RNF19A: variants seen among roughly 807,000 people sequenced by gnomAD.
RNF19A encodes ring finger protein 19A, RBR E3 ubiquitin protein ligase.
RNF19A carries 32 observed loss-of-function variants against 75.7 expected under a neutral mutation model. The ratio of observed to expected loss-of-function variants is 0.42; its 90% CI spans 0.32 to 0.57. The LOEUF is 0.57. Among genes scored for constraint, RNF19A ranks in the 20% least tolerant of loss-of-function variants. The probability of loss-of-function intolerance (pLI) is 0.10; values close to 1 mark genes in which losing one functional copy is unlikely to be tolerated. For synonymous variants in RNF19A, 335 were observed against 345.2 expected (o/e 0.97, Z 0.33); for missense variants, 782 against 1,036.3 (o/e 0.75, Z 3.37).
chr8:100,320,265 C>A (rs1822446502), intron 1 of RNF19A, among the ~76,000 whole-genome samples: 1 of 152,140 alleles, frequency 6.6e-6, no homozygotes, highest in Admixed American at 6.5e-5. Flanking sequence ...CTGAATGTAT[C>A]ATTTTATAGC....
intron 1 of RNF19A, among the ~76,000 whole-genome samples, chr8:100,335,201 C>G (rs1368222504): frequency 1.3e-5 from 2 of 152,096 alleles, no homozygotes; most frequent in Non-Finnish European, 2.9e-5. Flanking sequence ...AACAACAAAA[C>G]AACAACAACA....
At position 100,284,552 on chromosome 8, in the gene RNF19A, T is replaced by C. The variant is rs1039495401; in HGVS notation, c.674+2949A>G. ...CACGGACAATTATTTGTTAAATTTA[T>C]ATAATAATCACGTGGTTGTTTTCAT... On this transcript the variant is annotated intron_variant, in intron 2 of 9. Coordinates refer to ENST00000341084, the MANE Select transcript of RNF19A (RefSeq NM_183419.4). The surrounding 1 kb of genome is among the most constrained non-coding windows in gnomAD (Gnocchi z 4.3). 3.3e-5 allele frequency among the ~76,000 whole-genome samples: 5 copies of C among 152,184 alleles called. No individual in the cohort carries two copies. Among genetic ancestry groups the C allele is most frequent in the African/African-American group, 9.6e-5 (4 of 41,464 alleles).
In RNF19A at chr8:100,258,544, G is replaced by T; in HGVS notation, c.*12C>A. ...GTTGTACAGTGGTAATTATTCTGCA[G>T]CATTTATGGGCCTAAATTTCAGTCT... On this transcript the variant is annotated 3_prime_UTR_variant, in exon 10 of 10. Coordinates refer to ENST00000341084, the MANE Select transcript of RNF19A (RefSeq NM_183419.4). This position sits in a 1 kb window ranked among gnomAD's most constrained non-coding sequence, Gnocchi z 4.3. 1 of 1,588,182 alleles carries T rather than the reference G, an allele frequency of 6.3e-7. No individual in the cohort carries two copies. Among genetic ancestry groups the T allele is most frequent in the Non-Finnish European group, 8.6e-7 (1 of 1,164,388 alleles).
intron 1 of RNF19A, among the ~76,000 whole-genome samples, chr8:100,302,823 G>A (rs925897600): frequency 1.3e-5 from 2 of 152,138 alleles, no homozygotes; most frequent in Non-Finnish European, 2.9e-5. Flanking sequence ...CCTCCCCCAT[G>A]TCAACTACAT....
chr8:100,297,067 G>A (rs1262762862), intron 1 of RNF19A, among the ~76,000 whole-genome samples: 2 of 152,102 alleles, frequency 1.3e-5, no homozygotes, highest in South Asian at 4.1e-4. Flanking sequence ...ATATTATAAT[G>A]CTATTGTGTC....
chr8:100,306,356 A>C (rs960850863), intron 1 of RNF19A, among the ~76,000 whole-genome samples: 1 of 152,154 alleles, frequency 6.6e-6, no homozygotes, highest in Non-Finnish European at 1.5e-5. Flanking sequence ...ATGTAACAAA[A>C]CCTTTCCTAA....
intron 2 of RNF19A, among the ~76,000 whole-genome samples, chr8:100,286,985 T>C (rs1157101396): frequency 6.6e-6 from 1 of 152,152 alleles, no homozygotes; most frequent in Non-Finnish European, 1.5e-5. Context: ...ACATAACCCC[T>C]AGAACTTGAG....
At chr8:100,328,112 C>T (rs1822562104) in intron 1 of RNF19A, among the ~76,000 whole-genome samples, 1 of 152,072 alleles carries the variant, frequency 6.6e-6, no homozygotes, top group South Asian at 2.1e-4. Flanking sequence ...TATCTACATC[C>T]CCCCACTCTC....
At chr8:100,310,252 T>C, upstream of RNF19A, 1 of 984,852 alleles carries the variant, frequency 1.0e-6, no homozygotes, top group Non-Finnish European at 1.2e-6. Flanking sequence ...GACGCGGCTG[T>C]TCCCTTGCGC....
At chr8:100,320,973 A>G (rs1822458239) in intron 1 of RNF19A, among the ~76,000 whole-genome samples, 1 of 152,260 alleles carries the variant, frequency 6.6e-6, no homozygotes, top group Non-Finnish European at 1.5e-5. Context: ...GCTAAAAAAT[A>G]CTAATGATCA....
intron 1 of RNF19A, among the ~76,000 whole-genome samples, chr8:100,291,967 C>CTTTTTTTTTTTTTTTTTTTTTTTTTT (rs56737985): frequency 1.0e-5 from 1 of 99,988 alleles, no homozygotes; most frequent in African/African-American, 3.7e-5. Context: ...AGGACTAAGT[C>CTTTTTTTTTTTTTTTTTTTTTTTTTT]TTTTTTTTTT....
At chr8:100,265,311 A>G (rs1006056465) in intron 5 of RNF19A, among the ~76,000 whole-genome samples, 1 of 152,256 alleles carries the variant, frequency 6.6e-6, no homozygotes. Context: ...TATGAAGACA[A>G]TATTGACAAA....
Position 100,264,885 on chromosome 8 carries a change from G to C in RNF19A, c.1192-100C>G, listed in dbSNP as rs1473899578. ...ATACTTGCTAAAGTGATTTTTCATA[G>C]AAGTTCGTAGCTGAGTATCTTAGTT... is the stretch of plus-strand genomic sequence containing the variant. On this transcript the variant is annotated intron_variant, in intron 5 of 9. Coordinates refer to ENST00000341084, the MANE Select transcript of RNF19A (RefSeq NM_183419.4). This position sits in a 1 kb window ranked among gnomAD's most constrained non-coding sequence, Gnocchi z 4.7. The C allele has an allele frequency of 1.2e-6, 1 of 851,282 alleles. No individual in the cohort carries two copies. The highest frequency in any genetic ancestry group is 1.9e-6 in the Non-Finnish European group (1 of 524,110). The allele number at this position is 851,282 out of a possible 1,614,324, so 52.7% of individuals were successfully genotyped here.
At chr8:100,334,807 G>T (rs1215762228) in intron 1 of RNF19A, among the ~76,000 whole-genome samples, 1 of 152,218 alleles carries the variant, frequency 6.6e-6, no homozygotes, top group Non-Finnish European at 1.5e-5. Flanking sequence ...ACGGTCTTTA[G>T]ATAAGTCCTT....
At chr8:100,266,829 C>G (rs1820004038) in intron 5 of RNF19A, among the ~76,000 whole-genome samples, 1 of 152,048 alleles carries the variant, frequency 6.6e-6, no homozygotes, top group Non-Finnish European at 1.5e-5. Context: ...TTTTTAAAGT[C>G]CAGGTTTACT....
chr8:100,261,651 T>C lies in RNF19A; in HGVS notation c.1573A>G (p.Ile525Val), dbSNP rs747098873. Residue 525 changes from isoleucine to valine, a missense_variant, in exon 8 of 10, where the codon ATA (isoleucine) becomes GTA (valine). Physicochemically the swap from Ile to Val is conservative, Grantham distance 29. Coordinates refer to ENST00000341084, the MANE Select transcript of RNF19A (RefSeq NM_183419.4). The surrounding 1 kb of genome is among the most constrained non-coding windows in gnomAD (Gnocchi z 4.4). ...LSASGSHMDR[I>V]GAIRDNLSET... ...CTCAGGTTGTCTCGGATGGCTCCTATTCGATCCATGTGGCTTCCACTTGCA... is the reference window on the plus strand; with the variant it reads ...CTCAGGTTGTCTCGGATGGCTCCTACTCGATCCATGTGGCTTCCACTTGCA... 5 of 1,614,060 alleles carry C rather than the reference T, an allele frequency of 3.1e-6. No homozygotes were observed. Among genetic ancestry groups the C allele is most frequent in the Admixed American group, 3.3e-5 (2 of 60,002 alleles).
chr8:100,270,604 A>G lies in RNF19A; in HGVS notation c.884-591T>C, dbSNP rs543523182. 4.6e-5 allele frequency among the ~76,000 whole-genome samples: 7 copies of G among 152,242 alleles called. No individual in the cohort carries two copies. The East Asian group carries it at 1.3e-3, about 29-fold the overall frequency. On this transcript the variant is annotated intron_variant, in intron 3 of 9. Transcript: ENST00000341084. The stretch of plus-strand genomic sequence containing the variant: ...TTTTCCCAGTATTTTACTTCACACA[A>G]AAGAGAGATGGACCTTGCAAAGAAT...
Position 100,268,789 on chromosome 8 carries a change from C to A in RNF19A, c.1187G>T (p.Arg396Leu), listed in dbSNP as rs751294518. 1.9e-6 allele frequency: 3 copies of A among 1,549,046 alleles called. No homozygotes were observed. Among genetic ancestry groups the A allele is most frequent in the East Asian group, 2.4e-5 (1 of 41,370 alleles). The change falls in exon 5 of 10, where the codon CGC (arginine) becomes CTC (leucine). Residue 396 changes from arginine to leucine, a missense_variant. Arg to Leu is a moderately radical substitution (Grantham distance 102). Around this residue, in one of 7 missense-constraint regions of RNF19A, gnomAD observed 41 missense variants for 75.9 expected, o/e 0.54. Transcript: ENST00000341084. ...MIIGIPVYVG[R>L]KIHNRYEGKD... ...AACAAGAAGTATGCATTTTACCTTG[C>A]GGCCCACATACACAGGAATGCCAAT...
chr8:100,288,757 AGTC>A (rs1821149798), intron 1 of RNF19A, among the ~76,000 whole-genome samples: 1 of 152,188 alleles, frequency 6.6e-6, no homozygotes, highest in South Asian at 2.1e-4. Context: ...AACAAAAAGT[AGTC>A]AAGAAAAAGT....
Sources: allele counts gnomAD v4.1 joint callset (sites outside exome capture counted in the v4.1 genomes callset), GRCh38; gene constraint gnomAD v4.1.1; regional missense constraint gnomAD v4.1.1; non-coding constraint Gnocchi (gnomAD v3.1); transcripts MANE v1.5; gene names NCBI Gene and HGNC (gene_info 2026-07-23, HGNC 2026-07-21).